AIDA: variants seen among roughly 807,000 people sequenced by gnomAD.
AIDA encodes the protein axin interactor, dorsalization associated.
In AIDA, 18 loss-of-function variants were observed where a neutral mutation model predicts 42.7. The observed-to-expected ratio is 0.42, with a 90% CI of 0.29 to 0.63. The LOEUF (loss-of-function observed/expected upper bound fraction) is 0.63. Among genes scored for constraint, AIDA ranks in the 20% least tolerant of loss-of-function variants. The probability of loss-of-function intolerance (pLI) is 0.19; values close to 1 mark genes in which losing one functional copy is unlikely to be tolerated. For synonymous variants in AIDA, 104 were observed against 122.9 expected (o/e 0.85, Z 1.02); for missense variants, 250 against 354.1 (o/e 0.71, Z 2.36).
At chr1:222,672,937 C>T (rs922096910) in intron 8 of AIDA, among the ~76,000 whole-genome samples, 3 of 152,164 alleles carry the variant, frequency 2.0e-5, no homozygotes, top group South Asian at 2.1e-4. Flanking sequence ...GTTAAGTTAT[C>T]GTTCTACCAA....
chr1:222,708,527 C>A (rs899134042), intron 1 of AIDA, among the ~76,000 whole-genome samples: 1 of 151,774 alleles, frequency 6.6e-6, no homozygotes, highest in Non-Finnish European at 1.5e-5. Flanking sequence ...GCCACCACGC[C>A]CGGCTAATGT....
At chr1:222,683,154 A>G (rs1170489065) in intron 6 of AIDA, among the ~76,000 whole-genome samples, 1 of 152,200 alleles carries the variant, frequency 6.6e-6, no homozygotes, top group African/African-American at 2.4e-5. Context: ...CATTGAAATA[A>G]TATCGTATGT....
At position 222,689,469 on chromosome 1, in the gene AIDA, A is replaced by ATGTGTGTG. The variant is rs770894575; in HGVS notation, c.290-1819_290-1812dup. 1.8e-3 allele frequency among the ~76,000 whole-genome samples: 111 copies of ATGTGTGTG among 61,310 alleles called. 1 individual carries two copies. The highest frequency in any genetic ancestry group is 4.4e-3 in the African/African-American group (58 of 13,306). The allele number at this position is 61,310 out of a possible 152,430, so 40.2% of individuals were successfully genotyped here. A position where few individuals can be genotyped will look rare whatever the true frequency, so the allele number is the denominator to read the frequency against. On this transcript the variant is annotated intron_variant, in intron 4 of 9. Coordinates refer to ENST00000340020, the MANE Select transcript of AIDA (RefSeq NM_022831.4). ...TGTCTCAAGAAAAAAGAAAATATGT[A>ATGTGTGTG]TGTGTGTGTGTGTATATATATATAT...
At chr1:222,694,691 T>C (rs1179754380) in intron 2 of AIDA, among the ~76,000 whole-genome samples, 3 of 152,216 alleles carry the variant, frequency 2.0e-5, no homozygotes, top group Non-Finnish European at 2.9e-5. Context: ...TTGTTTAATA[T>C]ATAGGCAACA....
At position 222,695,907 on chromosome 1, in the gene AIDA, G is replaced by A. The variant is rs571573178; in HGVS notation, c.181-1644C>T. Among the ~76,000 whole-genome samples the A allele has an allele frequency of 2.5e-4, 38 of 152,214 alleles. No individual in the cohort carries two copies. In the East Asian group the frequency reaches 6.9e-3, roughly 28 times the overall value. ...CTCTTTTATCAATTTTCTTTGGAAGGTGAATAAGGAGCAAATTGGAGTAAC... is the reference window on the plus strand; with the variant it reads ...CTCTTTTATCAATTTTCTTTGGAAGATGAATAAGGAGCAAATTGGAGTAAC... On this transcript the variant is annotated intron_variant, in intron 2 of 9. Coordinates refer to ENST00000340020, the MANE Select transcript of AIDA (RefSeq NM_022831.4).
At chr1:222,677,077 A>C (rs567985991) in intron 6 of AIDA, among the ~76,000 whole-genome samples, 2 of 152,120 alleles carry the variant, frequency 1.3e-5, no homozygotes, top group South Asian at 4.1e-4. Flanking sequence ...TTCTCAATAG[A>C]ATTTTTTTCT....
chr1:222,711,056 A>G (rs1656004935), intron 1 of AIDA, among the ~76,000 whole-genome samples: 1 of 124,778 alleles, frequency 8.0e-6, no homozygotes, highest in African/African-American at 3.1e-5. Flanking sequence ...TACCAAGCGT[A>G]TATTCTTGCC....
Position 222,694,196 on chromosome 1 carries a change from G to C in AIDA, c.234+14C>G. The stretch of plus-strand genomic sequence containing the variant: ...TTTATTTTCCTTGTATTACAGAAGA[G>C]AAAAACTCCTTACCTGTAAAGCTGC... On this transcript the variant is annotated intron_variant, in intron 3 of 9. Transcript: ENST00000340020. The C allele has an allele frequency of 6.2e-7, 1 of 1,601,954 alleles. No homozygotes were observed. Among genetic ancestry groups the C allele is most frequent in the Non-Finnish European group, 8.5e-7 (1 of 1,175,916 alleles).
At chr1:222,678,639 G>A (rs1034124085) in intron 6 of AIDA, among the ~76,000 whole-genome samples, 2 of 152,122 alleles carry the variant, frequency 1.3e-5, no homozygotes, top group Non-Finnish European at 2.9e-5. Flanking sequence ...AATTTATTCA[G>A]TTCTTCCCTA....
At chr1:222,674,245 T>TCTC (rs1170773450) in intron 7 of AIDA, among the ~76,000 whole-genome samples, 1 of 151,870 alleles carries the variant, frequency 6.6e-6, no homozygotes, top group Non-Finnish European at 1.5e-5. Context: ...CAGAGGCATG[T>TCTC]GGAGGGGGCT....
intron 1 of AIDA, among the ~76,000 whole-genome samples, chr1:222,704,691 C>G (rs530401871): frequency 1.3e-5 from 2 of 151,782 alleles, no homozygotes; most frequent in Non-Finnish European, 2.9e-5. Context: ...GGGTTTCTTT[C>G]GGGAGTGATG....
chr1:222,687,374 T>C (rs1286037832), intron 5 of AIDA, among the ~76,000 whole-genome samples: 1 of 152,014 alleles, frequency 6.6e-6, no homozygotes, highest in East Asian at 1.9e-4. Context: ...GAGGTTGCAG[T>C]GAGCCGAGAT....
chr1:222,695,627 G>A (rs544980839), intron 2 of AIDA, among the ~76,000 whole-genome samples: 2 of 152,206 alleles, frequency 1.3e-5, no homozygotes, highest in Admixed American at 6.5e-5. Flanking sequence ...GAATAACTAG[G>A]GTAGAAATTA....
chr1:222,680,494 C>T (rs771089768), intron 6 of AIDA, among the ~76,000 whole-genome samples: 1 of 152,102 alleles, frequency 6.6e-6, no homozygotes, highest in East Asian at 1.9e-4. Flanking sequence ...ACAATTCTCC[C>T]TAAGTAAAAA....
intron 1 of AIDA, among the ~76,000 whole-genome samples, chr1:222,707,895 A>G (rs1278951299): frequency 6.6e-6 from 1 of 152,244 alleles, no homozygotes; most frequent in Non-Finnish European, 1.5e-5. Context: ...TCAAATTGCT[A>G]TAAAGTTTCC....
chr1:222,670,702 C>A (rs912254653), intron 8 of AIDA, among the ~76,000 whole-genome samples: 3 of 152,156 alleles, frequency 2.0e-5, no homozygotes, highest in Non-Finnish European at 2.9e-5. Flanking sequence ...AAAATTCAAT[C>A]TTGGGGGTAT....
chr1:222,691,855 G>T (rs1278948750), intron 4 of AIDA, among the ~76,000 whole-genome samples: 1 of 152,102 alleles, frequency 6.6e-6, no homozygotes, highest in Admixed American at 6.6e-5. Flanking sequence ...GCTGAAAACT[G>T]TATCAGTTAC....
At chr1:222,683,067 G>C (rs920843723) in intron 6 of AIDA, among the ~76,000 whole-genome samples, 2 of 152,172 alleles carry the variant, frequency 1.3e-5, no homozygotes, top group African/African-American at 4.8e-5. Context: ...AAGCTTTTAA[G>C]AGAAAGGCTT....
chr1:222,710,952 C>T (rs957403529), intron 1 of AIDA, among the ~76,000 whole-genome samples: 5 of 152,070 alleles, frequency 3.3e-5, no homozygotes, highest in African/African-American at 7.2e-5. Flanking sequence ...AAGCTACAGG[C>T]GATTCAAAGT....
Sources: allele counts gnomAD v4.1 joint callset (sites outside exome capture counted in the v4.1 genomes callset), GRCh38; gene constraint gnomAD v4.1.1; transcripts MANE v1.5; gene names NCBI Gene and HGNC (gene_info 2026-07-23, HGNC 2026-07-21).